CNTN1: variants seen among roughly 807,000 people sequenced by gnomAD.
CNTN1 encodes contactin-1.
A neutral mutation model predicts 126.4 loss-of-function variants in CNTN1; 38 were observed. The ratio of observed to expected loss-of-function variants is 0.30; its 90% confidence interval spans 0.23 to 0.39. The LOEUF is 0.39. CNTN1 is among the 10% of genes least tolerant of loss of function. The pLI is 1.00. For missense variants in CNTN1, 1,009 were observed against 1,248.4 expected (o/e 0.81, Z 2.89); for synonymous variants, 413 against 422.6 (o/e 0.98, Z 0.28).
intron 1 of CNTN1, among the ~76,000 whole-genome samples, chr12:40,716,133 G>T (rs1402939686): frequency 4.0e-5 from 6 of 151,858 alleles, no homozygotes; most frequent in Admixed American, 3.9e-4. Context: ...TGAAAAAAAG[G>T]ATAAACTTTT....
intron 16 of CNTN1, among the ~76,000 whole-genome samples, chr12:40,983,083 A>G (rs1033315923): frequency 3.3e-5 from 5 of 152,182 alleles, no homozygotes; most frequent in East Asian, 1.9e-4. Flanking sequence ...TAGAACTTAA[A>G]GTATAATAAA....
intron 1 of CNTN1, among the ~76,000 whole-genome samples, chr12:40,705,658 T>C (rs1000127271): frequency 2.0e-5 from 3 of 152,152 alleles, no homozygotes; most frequent in Admixed American, 6.5e-5. Context: ...ATTAGGTATA[T>C]CTCCCATGTT....
intron 1 of CNTN1, among the ~76,000 whole-genome samples, chr12:40,751,846 A>G (rs930441678): frequency 6.6e-6 from 1 of 152,106 alleles, no homozygotes; most frequent in Non-Finnish European, 1.5e-5. Flanking sequence ...ATGAAATTAT[A>G]TGGTCTCTAA....
chr12:41,029,255 A>G (rs1308328373), intron 23 of CNTN1, 36 bp downstream of exon 23: 1 of 1,612,196 alleles, frequency 6.2e-7, no homozygotes, highest in East Asian at 2.2e-5. Flanking sequence ...TCAACTAAGT[A>G]CTTGTGAGTT....
intron 12 of CNTN1, among the ~76,000 whole-genome samples, chr12:40,942,604 G>A (rs924780008): frequency 4.6e-5 from 7 of 152,190 alleles, no homozygotes; most frequent in Non-Finnish European, 8.8e-5. Context: ...TTCTGAGTAC[G>A]GCGTCTGGGA....
intron 17 of CNTN1, among the ~76,000 whole-genome samples, chr12:41,011,209 T>G (rs768818056): frequency 2.6e-5 from 4 of 152,220 alleles, no homozygotes; most frequent in Admixed American, 6.5e-5. Context: ...ATAACGGGGA[T>G]TCTCAGATGG....
Position 41,058,374 on chromosome 12 carries a change from G to A in CNTN1, c.2981-11585G>A, listed in dbSNP as rs988890263. Among the ~76,000 whole-genome samples, 3 of 152,042 alleles carry A rather than the reference G, an allele frequency of 2.0e-5. No individual in the cohort carries two copies. In the South Asian group the frequency reaches 6.2e-4, roughly 32 times the overall value. On this transcript the variant is annotated intron_variant, in intron 23 of 23. Coordinates refer to ENST00000551295, the MANE Select transcript of CNTN1 (RefSeq NM_001843.4). ...GAAAAAGCAATAATAACCAAAAATTGTATGATGGAATGAATAAAAGAAGCC... is the reference window on the plus strand; with the variant it reads ...GAAAAAGCAATAATAACCAAAAATTATATGATGGAATGAATAAAAGAAGCC...
intron 1 of CNTN1, among the ~76,000 whole-genome samples, chr12:40,786,272 A>C (rs1596529): frequency 0.8 from 122,074 of 152,114 alleles, 49,289 homozygotes; most frequent in South Asian, 0.87. Context: ...CTAAAGGCCA[A>C]AGAATGCCTT....
At chr12:40,940,483 G>A (rs1241266049) in intron 12 of CNTN1, among the ~76,000 whole-genome samples, 3 of 152,254 alleles carry the variant, frequency 2.0e-5, no homozygotes, top group African/African-American at 7.2e-5. Flanking sequence ...TTACTCAGAT[G>A]TAGAAAATAC....
In CNTN1 at chr12:41,070,378, A is replaced by T. The variant is rs541588734; in HGVS notation, c.*343A>T. On this transcript the variant is annotated 3_prime_UTR_variant, in exon 24 of 24. Coordinates refer to ENST00000551295, the MANE Select transcript of CNTN1 (RefSeq NM_001843.4). ...TAGGCTGTAGAGTGAAAGTCAAATC[A>T]CCATATACAGGTGCTTTAAATTTAA... 3.3e-5 allele frequency: 12 copies of T among 359,342 alleles called. No individual in the cohort carries two copies. The highest frequency in any genetic ancestry group is 3.0e-4 in the South Asian group (12 of 39,512). 22.3% of individuals were successfully genotyped at this position (359,342 alleles called of 1,614,324 possible). A position where few individuals can be genotyped will look rare whatever the true frequency, so the allele number is the denominator to read the frequency against.
intron 1 of CNTN1, among the ~76,000 whole-genome samples, chr12:40,806,167 T>A (rs1028129370): frequency 1.3e-5 from 2 of 152,090 alleles, no homozygotes; most frequent in Non-Finnish European, 2.9e-5. Flanking sequence ...AAAGAGCTCC[T>A]GTGTGTCTAT....
chr12:40,759,896 T>C (rs1384328165), intron 1 of CNTN1, among the ~76,000 whole-genome samples: 2 of 151,978 alleles, frequency 1.3e-5, no homozygotes, highest in Non-Finnish European at 2.9e-5. Flanking sequence ...AGTCCTGTGA[T>C]ACTTTTATAA....
intron 17 of CNTN1, among the ~76,000 whole-genome samples, chr12:41,005,987 C>A (rs930494879): frequency 6.6e-6 from 1 of 152,156 alleles, no homozygotes; most frequent in African/African-American, 2.4e-5. Context: ...TTGGAGGAAA[C>A]AAGGCACTCT....
chr12:40,898,455 G>A (rs1944491186), intron 1 of CNTN1, among the ~76,000 whole-genome samples: 1 of 151,910 alleles, frequency 6.6e-6, no homozygotes, highest in Non-Finnish European at 1.5e-5. Context: ...ATGTCTGCAT[G>A]GTTAAATTGC....
intron 1 of CNTN1, among the ~76,000 whole-genome samples, chr12:40,778,603 A>G (rs1260447382): frequency 6.6e-6 from 1 of 151,848 alleles, no homozygotes; most frequent in Non-Finnish European, 1.5e-5. Flanking sequence ...AGTATCTTTT[A>G]TGAATGAACA....
intron 14 of CNTN1, among the ~76,000 whole-genome samples, chr12:40,956,729 A>C (rs1946897611): frequency 6.6e-6 from 1 of 152,100 alleles, no homozygotes; most frequent in African/African-American, 2.4e-5. Flanking sequence ...GGCTACAATA[A>C]TGCTATGGCT....
intron 23 of CNTN1, among the ~76,000 whole-genome samples, chr12:41,044,836 T>C (rs930652172): frequency 6.6e-6 from 1 of 152,080 alleles, no homozygotes; most frequent in Non-Finnish European, 1.5e-5. Context: ...GATGATTTCA[T>C]TTTTCTGAGT....
chr12:40,927,535 C>T (rs1009690297), intron 6 of CNTN1, among the ~76,000 whole-genome samples: 1 of 151,984 alleles, frequency 6.6e-6, no homozygotes, highest in Non-Finnish European at 1.5e-5. Context: ...CTTGGATCCC[C>T]CATTTAAAAA....
chr12:40,898,990 T>C (rs1225795339), intron 1 of CNTN1, among the ~76,000 whole-genome samples: 1 of 152,188 alleles, frequency 6.6e-6, no homozygotes, highest in Admixed American at 6.5e-5. Context: ...AGCCTTCTTA[T>C]TAGATGTGGG....
Sources: gnomAD v4.1 joint callset for allele counts (sites outside exome capture counted in the v4.1 genomes callset) on GRCh38, gnomAD v4.1.1 for gene constraint, MANE v1.5 for transcripts, NCBI Gene and HGNC (gene_info 2026-07-23, HGNC 2026-07-21) for gene names.